The following R3HDM2 variants were observed in gnomAD, a reference collection of about 807,000 sequenced individuals.
R3HDM2 encodes the protein R3H domain-containing protein 2.
Under a neutral mutation model 124.5 loss-of-function variants are expected in R3HDM2, and 38 were observed. The ratio of observed to expected loss-of-function variants is 0.31; its 90% confidence interval spans 0.24 to 0.40. The LOEUF (loss-of-function observed/expected upper bound fraction) is 0.40. R3HDM2 is among the 10% of genes least tolerant of loss of function. The pLI, the probability that R3HDM2 is intolerant of heterozygous loss-of-function variation, is 1.00. For missense variants in R3HDM2, 869 were observed against 1,236.9 expected (o/e 0.70, Z 4.46); for synonymous variants, 391 against 448.0 (o/e 0.87, Z 1.61).
Position 57,268,998 on chromosome 12 carries a change from A to C in R3HDM2, c.1799T>G (p.Leu600Arg). Residue 600 changes from leucine to arginine, a missense_variant, in exon 17 of 24, where the codon CTC becomes CGC. Leu to Arg is a moderately radical substitution (Grantham distance 102). Coordinates refer to ENST00000402412, the MANE Select transcript of R3HDM2 (RefSeq NM_001394031.1). ...GVQQPQNQGL[L>R]SSQRSSMGGQ... is the part of the protein sequence containing the mutation. ...CCCCATGCTGCTCCTCTGGCTGCTGAGCAGGCCCTGGTTCTGTGGCTGCTG... is the reference window on the plus strand; with the variant it reads ...CCCCATGCTGCTCCTCTGGCTGCTGCGCAGGCCCTGGTTCTGTGGCTGCTG... 6.2e-7 allele frequency: 1 copy of C among 1,614,180 alleles called. No homozygotes were observed. Among genetic ancestry groups the C allele is most frequent in the Non-Finnish European group, 8.5e-7 (1 of 1,180,040 alleles).
At chr12:57,354,677 C>G (rs919221730) in intron 2 of R3HDM2, among the ~76,000 whole-genome samples, 2 of 151,976 alleles carry the variant, frequency 1.3e-5, no homozygotes, top group African/African-American at 2.4e-5. Context: ...AGTGTTTGTT[C>G]ACATCTCTTG....
At chr12:57,299,600 T>G in intron 5 of R3HDM2, 122 bp from the exon 6 acceptor site, 1 of 1,060,006 alleles carries the variant, frequency 9.4e-7, no homozygotes, top group South Asian at 1.7e-5. Flanking sequence ...AGTGTTATTT[T>G]GCTAATTAAA....
rs149380646 is a variant in R3HDM2, at chr12:57,288,745, A to C, written c.938+264T>G. 90 of 916,868 alleles carry C rather than the reference A, an allele frequency of 9.8e-5. No individual in the cohort carries two copies. In the East Asian group the frequency reaches 2.2e-3, roughly 23 times the overall value. The allele number at this position is 916,868 out of a possible 1,614,324, so 56.8% of individuals were successfully genotyped here. A position where few individuals can be genotyped will look rare whatever the true frequency, so the allele number is the denominator to read the frequency against. ...CCAATGTTGCAAAAACCACAAATTT[A>C]ATTATTCCACAAGCAGCCATGCATG... is the stretch of plus-strand genomic sequence containing the variant. On this transcript the variant is annotated intron_variant, in intron 12 of 23. Transcript: ENST00000402412.
intron 1 of R3HDM2, among the ~76,000 whole-genome samples, chr12:57,420,678 T>C (rs763206480): frequency 6.6e-6 from 1 of 152,064 alleles, no homozygotes; most frequent in East Asian, 1.9e-4. Flanking sequence ...CATCTATCTT[T>C]AGGCCTCCTC....
At position 57,417,302 on chromosome 12, in the gene R3HDM2, T is replaced by C. The variant is rs140149425; in HGVS notation, c.-106+13418A>G. The stretch of plus-strand genomic sequence containing the variant: ...TGGGAGGCTGAGGCAGGAGAATCGA[T>C]TGAGCCCAGGAACCGGATGTTGCAG... On this transcript the variant is annotated intron_variant, in intron 1 of 23. Coordinates refer to ENST00000402412, the MANE Select transcript of R3HDM2 (RefSeq NM_001394031.1). Among the ~76,000 whole-genome samples the C allele has an allele frequency of 4.8e-3, 722 of 151,468 alleles. 5 individuals carry two copies. The highest frequency in any genetic ancestry group is 0.017 in the African/African-American group (687 of 41,228).
At chr12:57,318,668 G>T (rs578093971) in intron 2 of R3HDM2, among the ~76,000 whole-genome samples, 2 of 151,254 alleles carry the variant, frequency 1.3e-5, no homozygotes, top group Admixed American at 6.6e-5. Flanking sequence ...AGAAAGAAAA[G>T]AAAAAAGAAA....
chr12:57,338,550 C>T (rs1258000263), intron 2 of R3HDM2, among the ~76,000 whole-genome samples: 1 of 152,042 alleles, frequency 6.6e-6, no homozygotes, highest in Non-Finnish European at 1.5e-5. Context: ...CCACCACGCC[C>T]AGCTAATTTA....
chr12:57,317,806 C>T (rs1210404395), intron 2 of R3HDM2, among the ~76,000 whole-genome samples: 1 of 151,686 alleles, frequency 6.6e-6, no homozygotes, highest in Non-Finnish European at 1.5e-5. Context: ...GAAACCCCGT[C>T]TCTACTAAAA....
intron 22 of R3HDM2, 131 bp from the exon 23 acceptor site, chr12:57,256,205 C>G: frequency 1.0e-6 from 1 of 1,003,010 alleles, no homozygotes; most frequent in Non-Finnish European, 1.5e-6. Flanking sequence ...GTCAGGTTGG[C>G]CATGGAGCAG....
intron 2 of R3HDM2, among the ~76,000 whole-genome samples, chr12:57,357,976 CTTTT>C (rs1383034633): frequency 1.3e-5 from 2 of 148,792 alleles, no homozygotes; most frequent in East Asian, 2.0e-4. Context: ...TTACTCATTT[CTTTT>C]TTTCTTTTTT....
At chr12:57,383,766 G>A (rs2065262492) in intron 2 of R3HDM2, among the ~76,000 whole-genome samples, 1 of 152,094 alleles carries the variant, frequency 6.6e-6, no homozygotes, top group Admixed American at 6.6e-5. Context: ...TAAACTGAGG[G>A]TCCTGCTTGC....
At chr12:57,425,109 C>T (rs1360526538) in intron 1 of R3HDM2, among the ~76,000 whole-genome samples, 2 of 152,032 alleles carry the variant, frequency 1.3e-5, no homozygotes, top group Non-Finnish European at 2.9e-5. Flanking sequence ...CCTGCCTCTA[C>T]TAAAAATACA....
rs776408688 is a variant in R3HDM2 at position 57,256,450 on chromosome 12, G to C, written c.2511C>G (p.Pro837=). The C allele has an allele frequency of 1.3e-5, 21 of 1,599,428 alleles. No homozygotes were observed. The highest frequency in any genetic ancestry group is 1.7e-5 in the Non-Finnish European group (20 of 1,172,786). ...PLQYNLSICP[P]LLHGQSTYTV... Reference sequence around the variant, plus strand: ...TGTAAGTTGACTGGCCATGGAGCAAGGGAGGGCAGATGGACAGATTGTACT... The same window carrying C: ...TGTAAGTTGACTGGCCATGGAGCAACGGAGGGCAGATGGACAGATTGTACT... The change falls in exon 22 of 24, where the codon CCC becomes CCG. Residue 837 remains proline, a synonymous_variant. Coordinates refer to ENST00000402412, the MANE Select transcript of R3HDM2 (RefSeq NM_001394031.1).
intron 1 of R3HDM2, among the ~76,000 whole-genome samples, chr12:57,399,963 A>T (rs1325359093): frequency 6.6e-6 from 1 of 152,218 alleles, no homozygotes; most frequent in African/African-American, 2.4e-5. Flanking sequence ...CTGACAAGTC[A>T]CTGACTTGCC....
chr12:57,384,846 TGTGAAAAGTACTCTGGCCCAGGCCAGGC>T (rs2065464325), intron 2 of R3HDM2, among the ~76,000 whole-genome samples: 1 of 151,274 alleles, frequency 6.6e-6, no homozygotes, highest in East Asian at 1.9e-4. Flanking sequence ...TAGAAAAAAA[TGTGAAAAGTACTCTGGCCCAGGCCAGGC>T]GTGGTCGCTC....
chr12:57,382,193 C>T (rs2064994002), intron 2 of R3HDM2, among the ~76,000 whole-genome samples: 1 of 151,870 alleles, frequency 6.6e-6, no homozygotes, highest in African/African-American at 2.4e-5. Context: ...TGGCTCACTG[C>T]ATCCTCAACC....
At chr12:57,404,772 T>A (rs2068374710) in intron 1 of R3HDM2, among the ~76,000 whole-genome samples, 1 of 151,994 alleles carries the variant, frequency 6.6e-6, no homozygotes, top group Non-Finnish European at 1.5e-5. Flanking sequence ...GTAATCCCCA[T>A]ACTTTGAGGC....
Position 57,320,261 on chromosome 12 carries a change from CAA to C in R3HDM2, c.-35-9800_-35-9799del, listed in dbSNP as rs56207989. On this transcript the variant is annotated intron_variant, in intron 2 of 23. Coordinates refer to ENST00000402412, the MANE Select transcript of R3HDM2 (RefSeq NM_001394031.1). ...GGGCAACAAGAGTGCAACTCTATCT[CAA>C]AAAAAAAAAAAAAAAAAAAAAAAAA... Among the ~76,000 whole-genome samples, 110 of 14,264 alleles carry C rather than the reference CAA, an allele frequency of 7.7e-3. 2 individuals are homozygous for C. The highest frequency in any genetic ancestry group is 0.026 in the Admixed American group (17 of 662). 9.4% of individuals were successfully genotyped at this position (14,264 alleles called of 152,430 possible).
chr12:57,335,665 CTTTTTT>C (rs1213483574), intron 2 of R3HDM2, among the ~76,000 whole-genome samples: 1 of 133,406 alleles, frequency 7.5e-6, no homozygotes, highest in Admixed American at 7.6e-5. Flanking sequence ...ACCCAGCTAA[CTTTTTT>C]TTTTTTTTTT....
Sources: gnomAD v4.1 joint callset for allele counts (sites outside exome capture counted in the v4.1 genomes callset) on GRCh38, gnomAD v4.1.1 for gene constraint, MANE v1.5 for transcripts, NCBI Gene and HGNC (gene_info 2026-07-23, HGNC 2026-07-21) for gene names.